CHN1: variants seen among roughly 807,000 people sequenced by gnomAD.
CHN1 encodes chimerin 1.
In CHN1, 37 loss-of-function variants were observed where a neutral mutation model predicts 59.5. The ratio of observed to expected loss-of-function variants is 0.62; its 90% confidence interval spans 0.48 to 0.82. The LOEUF (loss-of-function observed/expected upper bound fraction) is 0.82, where lower values mean the gene tolerates loss of function less well. Ranked by LOEUF, CHN1 falls within the 40% of genes least tolerant of loss-of-function variation. CHN1 has a pLI of 0.00. For synonymous variants in CHN1, 206 were observed against 200.4 expected, an observed-to-expected ratio of 1.03 and a Z score of -0.24; for missense variants, 469 against 571.0, an observed-to-expected ratio of 0.82 and a Z score of 1.82.
intron 8 of CHN1, among the ~76,000 whole-genome samples, chr2:174,817,640 T>C: frequency 6.9e-6 from 1 of 144,954 alleles, no homozygotes; most frequent in Non-Finnish European, 1.5e-5. Flanking sequence ...TTTTTTTTCT[T>C]TTTTTTTTTT....
At chr2:174,815,419 G>A (rs1446735512) in intron 8 of CHN1, among the ~76,000 whole-genome samples, 3 of 151,958 alleles carry the variant, frequency 2.0e-5, no homozygotes, top group Admixed American at 6.5e-5. Flanking sequence ...TCTCTTTGTT[G>A]TTTAACTTGG....
intron 7 of CHN1, among the ~76,000 whole-genome samples, chr2:174,834,035 G>C (rs986726182): frequency 2.6e-5 from 4 of 152,020 alleles, no homozygotes; most frequent in Non-Finnish European, 5.9e-5. Flanking sequence ...CAAACCCCAG[G>C]GCTCAAACTG....
At chr2:174,843,930 GT>G (rs1489798327) in intron 7 of CHN1, among the ~76,000 whole-genome samples, 6 of 151,826 alleles carry the variant, frequency 4.0e-5, no homozygotes, top group African/African-American at 1.4e-4. Context: ...GGGTGCCTGA[GT>G]TTTATTTTTA....
chr2:174,808,860 A>G (rs780780123), intron 11 of CHN1, 45 bp downstream of exon 11: 1 of 1,603,262 alleles, frequency 6.2e-7, no homozygotes, highest in Non-Finnish European at 8.5e-7. Context: ...GTGATTACCA[A>G]GAGGACGTTG....
At chr2:174,904,438 G>A (rs1016085324) in intron 5 of CHN1, among the ~76,000 whole-genome samples, 1 of 152,036 alleles carries the variant, frequency 6.6e-6, no homozygotes, top group Non-Finnish European at 1.5e-5. Flanking sequence ...GCCCAGGCTT[G>A]AGTGCAATGG....
At chr2:174,866,473 A>G (rs920084474) in intron 6 of CHN1, among the ~76,000 whole-genome samples, 1 of 152,174 alleles carries the variant, frequency 6.6e-6, no homozygotes, top group African/African-American at 2.4e-5. Flanking sequence ...TTGCAGTAAC[A>G]CTGCTTCCAA....
chr2:174,963,580 A>G (rs1222033766), intron 1 of CHN1, among the ~76,000 whole-genome samples: 1 of 152,218 alleles, frequency 6.6e-6, no homozygotes, highest in Non-Finnish European at 1.5e-5. Flanking sequence ...AAATAAAGAT[A>G]TACTGAGGAA....
intron 5 of CHN1, among the ~76,000 whole-genome samples, chr2:174,899,864 G>C (rs1050849588): frequency 6.6e-6 from 1 of 152,148 alleles, no homozygotes; most frequent in African/African-American, 2.4e-5. Flanking sequence ...CAAATCTTAA[G>C]AATTATACCA....
At chr2:174,963,808 A>T (rs912385333) in intron 1 of CHN1, among the ~76,000 whole-genome samples, 1 of 152,222 alleles carries the variant, frequency 6.6e-6, no homozygotes, top group African/African-American at 2.4e-5. Flanking sequence ...GACAACAAGC[A>T]CAACTCATGG....
intron 7 of CHN1, among the ~76,000 whole-genome samples, chr2:174,827,145 CCTCTATGA>C (rs1685713323): frequency 6.6e-6 from 1 of 152,192 alleles, no homozygotes; most frequent in African/African-American, 2.4e-5. Flanking sequence ...TGTTCTGTAA[CCTCTATGA>C]CTCTATGACA....
At chr2:174,966,819 T>G (rs191693691) in intron 1 of CHN1, among the ~76,000 whole-genome samples, 1 of 152,246 alleles carries the variant, frequency 6.6e-6, no homozygotes, top group African/African-American at 2.4e-5. Context: ...ACAGGCCTGT[T>G]TACCTACAGG....
chr2:174,834,331 T>C (rs964313135), intron 7 of CHN1, among the ~76,000 whole-genome samples: 1 of 152,220 alleles, frequency 6.6e-6, no homozygotes, highest in Admixed American at 6.5e-5. Flanking sequence ...TCTTTTAAAG[T>C]TACCCATGCT....
In CHN1 at chr2:175,005,332, C is replaced by T; in HGVS notation, c.-420G>A. ...CACAGCCCCCGGCGGGGCGCGCTCA[C>T]TCCGCATCCCGCGGCCTCGCAGACG... On this transcript the variant is annotated 5_prime_UTR_variant, in exon 1 of 13. The change creates a new upstream start codon in the 5' untranslated region. Coordinates refer to ENST00000409900, the MANE Select transcript of CHN1 (RefSeq NM_001822.7). 8.6e-7 allele frequency: 1 copy of T among 1,166,016 alleles called. No individual in the cohort carries two copies. 72.2% of individuals were successfully genotyped at this position (1,166,016 alleles called of 1,614,324 possible). A position where few individuals can be genotyped will look rare whatever the true frequency, so the allele number is the denominator to read the frequency against.
chr2:174,995,521 C>T (rs1307618746), intron 1 of CHN1, among the ~76,000 whole-genome samples: 1 of 152,208 alleles, frequency 6.6e-6, no homozygotes, highest in East Asian at 1.9e-4. Flanking sequence ...CACCTCAGAT[C>T]AACAGGCATT....
At chr2:174,968,450 T>C (rs1295340176) in intron 1 of CHN1, among the ~76,000 whole-genome samples, 1 of 151,940 alleles carries the variant, frequency 6.6e-6, no homozygotes, top group African/African-American at 2.4e-5. Context: ...ATGAGCGGAG[T>C]TGGATAATTC....
At chr2:174,873,789 T>A (rs995789440) in intron 6 of CHN1, among the ~76,000 whole-genome samples, 1 of 152,212 alleles carries the variant, frequency 6.6e-6, no homozygotes, top group Non-Finnish European at 1.5e-5. Flanking sequence ...AAGAAATTCC[T>A]TAAAAATAAA....
At chr2:174,845,112 CAAA>C (rs1017718543) in intron 7 of CHN1, among the ~76,000 whole-genome samples, 1 of 152,100 alleles carries the variant, frequency 6.6e-6, no homozygotes, top group African/African-American at 2.4e-5. Context: ...GATACAAACA[CAAA>C]AAGAGTTTGT....
At chr2:174,857,487 A>C (rs1686941786) in intron 6 of CHN1, among the ~76,000 whole-genome samples, 1 of 152,158 alleles carries the variant, frequency 6.6e-6, no homozygotes, top group African/African-American at 2.4e-5. Flanking sequence ...CCTATACTAT[A>C]AACGGAACAT....
intron 1 of CHN1, among the ~76,000 whole-genome samples, chr2:174,963,543 G>A (rs1158288391): frequency 1.3e-5 from 2 of 152,214 alleles, no homozygotes; most frequent in African/African-American, 4.8e-5. Context: ...ACATGTTTGA[G>A]GAACTGCAAA....
Sources: gnomAD v4.1 joint callset for allele counts (sites outside exome capture counted in the v4.1 genomes callset) on GRCh38, gnomAD v4.1.1 for gene constraint, MANE v1.5 for transcripts, NCBI Gene and HGNC (gene_info 2026-07-23, HGNC 2026-07-21) for gene names.